The following PDILT variants were observed in gnomAD, a reference collection of about 807,000 sequenced individuals.
PDILT encodes the protein protein disulfide isomerase like, testis expressed.
In PDILT, 43 loss-of-function variants were observed where a neutral mutation model predicts 53.7. The ratio of observed to expected loss-of-function variants is 0.80; its 90% CI spans 0.63 to 1.03. The LOEUF (loss-of-function observed/expected upper bound fraction) is 1.03. Among genes scored for constraint, PDILT ranks in the 50% least tolerant of loss-of-function variants. The pLI, the probability that PDILT is intolerant of heterozygous loss-of-function variation, is 0.00. For synonymous variants in PDILT, 282 were observed against 274.2 expected, an observed-to-expected ratio of 1.03 and a Z score of -0.28; for missense variants, 727 against 712.3, an observed-to-expected ratio of 1.02 and a Z score of -0.24.
chr16:20,372,959 GCA>G, intron 6 of PDILT, 32 bp from the exon 7 acceptor site: 1 of 1,613,694 alleles, frequency 6.2e-7, no homozygotes, highest in Non-Finnish European at 8.5e-7. Flanking sequence ...GTCATCCCAA[GCA>G]CACACAGTGG....
At chr16:20,402,955 C>T (rs899061071) in intron 1 of PDILT, among the ~76,000 whole-genome samples, 17 of 152,226 alleles carry the variant, frequency 1.1e-4, no homozygotes, top group Admixed American at 1.1e-3. Context: ...CGCTGTGTCC[C>T]CCAGCCTCAC....
chr16:20,398,651 G>A (rs1032657281), intron 2 of PDILT, among the ~76,000 whole-genome samples: 10 of 151,894 alleles, frequency 6.6e-5, no homozygotes, highest in Non-Finnish European at 4.4e-5. Context: ...AAAAAGTGAC[G>A]GTCTAAAAAC....
At chr16:20,392,673 T>C (rs1966619447) in intron 2 of PDILT, among the ~76,000 whole-genome samples, 1 of 152,218 alleles carries the variant, frequency 6.6e-6, no homozygotes, top group Non-Finnish European at 1.5e-5. Context: ...TAATTGAGTG[T>C]CCCTTTTAGA....
At chr16:20,361,669 C>T (rs1224965747) in intron 10 of PDILT, among the ~76,000 whole-genome samples, 1 of 152,202 alleles carries the variant, frequency 6.6e-6, no homozygotes, top group Non-Finnish European at 1.5e-5. Flanking sequence ...GGAATCTTGC[C>T]ACAGTGCTGG....
chr16:20,380,496 C>G (rs1404769764), intron 3 of PDILT, among the ~76,000 whole-genome samples: 1 of 152,032 alleles, frequency 6.6e-6, no homozygotes, highest in Non-Finnish European at 1.5e-5. Flanking sequence ...GCCACCACAC[C>G]CAGCTAATTT....
chr16:20,395,024 G>GTATT (rs149079472), intron 2 of PDILT, among the ~76,000 whole-genome samples: 1,921 of 152,262 alleles, frequency 0.013, 31 homozygotes, highest in African/African-American at 0.044. Context: ...AGAAGTTTGA[G>GTATT]TATTAAAGTG....
intron 10 of PDILT, 72 bp from the exon 11 acceptor site, chr16:20,360,729 G>T (rs1966088528): frequency 8.7e-7 from 1 of 1,155,046 alleles, no homozygotes; most frequent in African/African-American, 1.5e-5. Flanking sequence ...TGCTACCTAG[G>T]TAAACCCAGG....
At position 20,362,515 on chromosome 16, in the gene PDILT, T is replaced by C. The variant is rs753361388; in HGVS notation, c.1305A>G (p.Gln435=). The change falls in exon 10 of 12, where the codon CAA becomes CAG. Residue 435 remains glutamine (Q), a synonymous_variant. Coordinates refer to ENST00000302451, the MANE Select transcript of PDILT (RefSeq NM_174924.2). ...TGGCAATGATAATTGTGGAGTGGTT[T>C]TGATATTTTCTGCCCAATTCCTCCA... is the stretch of plus-strand genomic sequence containing the variant. ...PLLEELGRKY[Q]NHSTIIIAKI... is the part of the protein sequence containing the mutation. The C allele has an allele frequency of 6.2e-7, 1 of 1,614,156 alleles. No homozygotes were observed. The highest frequency in any genetic ancestry group is 8.5e-7 in the Non-Finnish European group (1 of 1,180,032).
intron 7 of PDILT, among the ~76,000 whole-genome samples, chr16:20,370,798 C>G (rs12926567): frequency 6.6e-6 from 1 of 151,910 alleles, no homozygotes; most frequent in African/African-American, 2.4e-5. Context: ...CCACCAAAAC[C>G]GAGATGGTGA....
In PDILT at chr16:20,399,017, T is replaced by C. The variant is rs1297669547; in HGVS notation, c.202+82A>G. 6 of 1,426,668 alleles carry C rather than the reference T, an allele frequency of 4.2e-6. No homozygotes were observed. In the African/African-American group the frequency reaches 5.7e-5, roughly 13 times the overall value. The allele number at this position is 1,426,668 out of a possible 1,614,324, so 88.4% of individuals were successfully genotyped here. A position where few individuals can be genotyped will look rare whatever the true frequency, so the allele number is the denominator to read the frequency against. ...ATGTGTTCTTATGTGTTTAGCAATA[T>C]ATAAAACTCTTCTGGTCCCCACACA... is the stretch of plus-strand genomic sequence containing the variant. On this transcript the variant is annotated intron_variant, in intron 2 of 11. Transcript: ENST00000302451.
chr16:20,379,982 T>A (rs1170793694), intron 3 of PDILT, among the ~76,000 whole-genome samples: 1 of 152,234 alleles, frequency 6.6e-6, no homozygotes, highest in African/African-American at 2.4e-5. Flanking sequence ...TTCTCTTATA[T>A]GCTTTTGTCT....
intron 1 of PDILT, among the ~76,000 whole-genome samples, chr16:20,402,689 A>G (rs1380300012): frequency 6.6e-6 from 1 of 152,220 alleles, no homozygotes; most frequent in African/African-American, 2.4e-5. Flanking sequence ...CTGTATTTGC[A>G]TTTCTGGGAG....
At chr16:20,360,483 C>G (rs1032285023) in intron 11 of PDILT, 85 bp downstream of exon 11, 2 of 1,242,120 alleles carry the variant, frequency 1.6e-6, no homozygotes, top group Non-Finnish European at 2.4e-6. Context: ...TTATGGAACT[C>G]CAGCCATACT....
At chr16:20,362,276 A>C in intron 10 of PDILT, 128 bp downstream of exon 10, 1 of 950,904 alleles carries the variant, frequency 1.1e-6, no homozygotes, top group South Asian at 1.7e-5. Context: ...ATGTGAGAGG[A>C]TGGATAGTGG....
chr16:20,380,858 C>T (rs1373932255), intron 3 of PDILT, among the ~76,000 whole-genome samples: 1 of 152,206 alleles, frequency 6.6e-6, no homozygotes, highest in African/African-American at 2.4e-5. Flanking sequence ...GACGTGTGAG[C>T]TCCATTTGCC....
At chr16:20,377,173 G>C (rs191606960) in intron 3 of PDILT, among the ~76,000 whole-genome samples, 1 of 151,972 alleles carries the variant, frequency 6.6e-6, no homozygotes, top group Non-Finnish European at 1.5e-5. Flanking sequence ...CTGTAGTCCC[G>C]GCTACTTGGG....
chr16:20,360,728 G>C (rs926926141), intron 10 of PDILT, 71 bp from the exon 11 acceptor site: 60 of 1,154,454 alleles, frequency 5.2e-5, no homozygotes, highest in Admixed American at 1.0e-4. Context: ...TTGCTACCTA[G>C]GTAAACCCAG....
intron 2 of PDILT, among the ~76,000 whole-genome samples, chr16:20,395,090 G>A (rs1274007061): frequency 6.6e-6 from 1 of 152,102 alleles, no homozygotes; most frequent in Admixed American, 6.6e-5. Context: ...CGTATTAATT[G>A]ACCCCATGAT....
In PDILT at chr16:20,377,973, A is replaced by G. The variant is rs1027235196; in HGVS notation, c.410-1772T>C. On this transcript the variant is annotated intron_variant, in intron 3 of 11. Coordinates refer to ENST00000302451, the MANE Select transcript of PDILT (RefSeq NM_174924.2). ...TGTCTTTAAAAAGAAAAAAAAAAAG[A>G]AAGAAAGAAAAGAATGCTCTGGAGT... is the stretch of plus-strand genomic sequence containing the variant. Among the ~76,000 whole-genome samples the G allele has an allele frequency of 4.0e-5, 6 of 151,880 alleles. No homozygotes were observed. The South Asian group carries it at 1.2e-3, about 32-fold the overall frequency.
Sources: allele counts gnomAD v4.1 joint callset (sites outside exome capture counted in the v4.1 genomes callset), GRCh38; gene constraint gnomAD v4.1.1; transcripts MANE v1.5; gene names NCBI Gene and HGNC (gene_info 2026-07-23, HGNC 2026-07-21).